The following PARN variants were observed in gnomAD, a reference collection of about 807,000 sequenced individuals.
PARN encodes poly(A)-specific ribonuclease PARN.
PARN carries 71 observed loss-of-function variants against 102.8 expected under a neutral mutation model. That is an observed-to-expected ratio of 0.69 (90% CI 0.57 to 0.84). The LOEUF is 0.84. Among genes scored for constraint, PARN ranks in the 40% least tolerant of loss-of-function variants. PARN has a pLI of 0.00. For synonymous variants in PARN, 261 were observed against 252.9 expected, an observed-to-expected ratio of 1.03 and a Z score of -0.30; for missense variants, 782 against 760.9, an observed-to-expected ratio of 1.03 and a Z score of -0.33.
At chr16:14,542,951 C>T (rs981243646) in intron 21 of PARN, among the ~76,000 whole-genome samples, 1 of 152,172 alleles carries the variant, frequency 6.6e-6, no homozygotes. Flanking sequence ...CCTGTGAAAA[C>T]TATGAATTTA....
chr16:14,475,092 TC>T (rs1962966657), intron 22 of PARN, among the ~76,000 whole-genome samples: 1 of 152,164 alleles, frequency 6.6e-6, no homozygotes, highest in East Asian at 1.9e-4. Flanking sequence ...AAATTTAGTC[TC>T]ATAGAAAGGA....
intron 21 of PARN, among the ~76,000 whole-genome samples, chr16:14,529,345 C>T (rs1966189075): frequency 6.6e-6 from 1 of 152,222 alleles, no homozygotes; most frequent in Non-Finnish European, 1.5e-5. Flanking sequence ...TACAAAGTCA[C>T]ATCTGGAGCA....
At chr16:14,474,539 T>C (rs1253157686) in intron 22 of PARN, among the ~76,000 whole-genome samples, 2 of 152,212 alleles carry the variant, frequency 1.3e-5, no homozygotes, top group African/African-American at 2.4e-5. Flanking sequence ...GTGCACAATA[T>C]AAAAGCATTT....
intron 20 of PARN, 68 bp from the exon 21 acceptor site, chr16:14,552,163 T>C (rs1967346797): frequency 1.1e-6 from 1 of 909,196 alleles, no homozygotes; most frequent in African/African-American, 1.6e-5. Flanking sequence ...TTAATGCGCG[T>C]ATCTTACATA....
chr16:14,464,710 T>C (rs1962216500), intron 22 of PARN, among the ~76,000 whole-genome samples: 3 of 152,002 alleles, frequency 2.0e-5, no homozygotes, highest in African/African-American at 7.3e-5. Flanking sequence ...GAGCTGAGGT[T>C]GCGCCACTGC....
chr16:14,559,674 AT>A (rs1187701907), intron 18 of PARN, among the ~76,000 whole-genome samples: 1 of 152,150 alleles, frequency 6.6e-6, no homozygotes, highest in African/African-American at 2.4e-5. Context: ...CATAAAAGCT[AT>A]TTTTTAATGT....
intron 22 of PARN, among the ~76,000 whole-genome samples, chr16:14,471,250 C>T (rs954831692): frequency 4.6e-5 from 7 of 151,916 alleles, no homozygotes; most frequent in African/African-American, 1.2e-4. Flanking sequence ...ACAGGTGAGA[C>T]GAGAAAGGCC....
At chr16:14,605,295 C>A (rs1971114535) in intron 10 of PARN, among the ~76,000 whole-genome samples, 1 of 152,154 alleles carries the variant, frequency 6.6e-6, no homozygotes, top group African/African-American at 2.4e-5. Context: ...GAAATGCCAA[C>A]ATAAGTTGAG....
chr16:14,522,811 G>A (rs1017766666), intron 21 of PARN, among the ~76,000 whole-genome samples: 6 of 152,162 alleles, frequency 3.9e-5, no homozygotes, highest in East Asian at 1.9e-4. Context: ...ATGGCCTGGG[G>A]TGGGGAGAGA....
chr16:14,530,509 T>A (rs922102171), intron 21 of PARN, among the ~76,000 whole-genome samples: 1 of 150,838 alleles, frequency 6.6e-6, no homozygotes, highest in African/African-American at 2.4e-5. Context: ...CACACATACA[T>A]CTGTACGTAC....
At chr16:14,446,113 C>G (rs139266564) in intron 23 of PARN, among the ~76,000 whole-genome samples, 2 of 152,342 alleles carry the variant, frequency 1.3e-5, no homozygotes, top group African/African-American at 4.8e-5. Context: ...CAGGGAATGG[C>G]CTTTTCCATG....
At chr16:14,486,570 G>A (rs1408317228) in intron 21 of PARN, among the ~76,000 whole-genome samples, 1 of 152,204 alleles carries the variant, frequency 6.6e-6, no homozygotes, top group Non-Finnish European at 1.5e-5. Context: ...ACCATGGCGA[G>A]GGGATTTATC....
chr16:14,621,381 G>A (rs1450566350), intron 5 of PARN, among the ~76,000 whole-genome samples: 1 of 152,166 alleles, frequency 6.6e-6, no homozygotes. Flanking sequence ...TCCTGAAGCT[G>A]CTTATTTTCT....
chr16:14,436,583 C>T lies in PARN; in HGVS notation c.*134G>A, dbSNP rs563397576. 7.7e-6 allele frequency: 5 copies of T among 649,348 alleles called. No individual in the cohort carries two copies. Among genetic ancestry groups the T allele is most frequent in the South Asian group, 1.9e-5 (1 of 52,940 alleles). 40.2% of individuals were successfully genotyped at this position (649,348 alleles called of 1,614,324 possible). On this transcript the variant is annotated 3_prime_UTR_variant, in exon 24 of 24. Coordinates refer to ENST00000437198, the MANE Select transcript of PARN (RefSeq NM_002582.4). Reference sequence around the variant, plus strand: ...CAAAAATAAAACCTGTTTTCTCCCCCCCAGGAGACAACTTGGTTTCCAACC... The same window carrying T: ...CAAAAATAAAACCTGTTTTCTCCCCTCCAGGAGACAACTTGGTTTCCAACC...
Position 14,465,940 on chromosome 16 carries a change from C to T in PARN, c.1670+16698G>A, listed in dbSNP as rs187797913. ...CTGCATGTTCTCACTTATAAGTAGG[C>T]ACTTTGTTCCTCCAAAATGGACACA... is the stretch of plus-strand genomic sequence containing the variant. On this transcript the variant is annotated intron_variant, in intron 22 of 23. Transcript: ENST00000437198. Among the ~76,000 whole-genome samples, 280 of 152,234 alleles carry T rather than the reference C, an allele frequency of 1.8e-3. 2 individuals carry two copies. The highest frequency in any genetic ancestry group is 6.5e-3 in the African/African-American group (269 of 41,534).
At chr16:14,562,067 G>A (rs113922695) in intron 18 of PARN, among the ~76,000 whole-genome samples, 4,976 of 152,092 alleles carry the variant, frequency 0.033, 272 homozygotes, top group African/African-American at 0.11. Flanking sequence ...CAGGAGAATC[G>A]CTTAAACCTG....
intron 21 of PARN, among the ~76,000 whole-genome samples, chr16:14,498,188 G>A (rs1483295484): frequency 2.6e-5 from 4 of 151,364 alleles, no homozygotes; most frequent in African/African-American, 9.7e-5. Flanking sequence ...TTAACCCAGT[G>A]AAACCCCGGA....
chr16:14,630,158 G>C lies in PARN; in HGVS notation c.-33C>G. 1 of 1,548,186 alleles carries C rather than the reference G, an allele frequency of 6.5e-7. No individual in the cohort carries two copies. Among genetic ancestry groups the C allele is most frequent in the South Asian group, 1.2e-5 (1 of 83,930 alleles). On this transcript the variant is annotated 5_prime_UTR_variant, in exon 1 of 24. Transcript: ENST00000437198. ...AGTGGCCGGAACCTTGGCCCCACCCGGGCCCGCGCCCGCCTCAGCGGTTCT... is the reference window on the plus strand; with the variant it reads ...AGTGGCCGGAACCTTGGCCCCACCCCGGCCCGCGCCCGCCTCAGCGGTTCT...
intron 21 of PARN, among the ~76,000 whole-genome samples, chr16:14,542,915 G>A (rs1233196390): frequency 6.6e-6 from 1 of 152,176 alleles, no homozygotes; most frequent in Non-Finnish European, 1.5e-5. Flanking sequence ...AAGATTATTT[G>A]AATAATGTCT....
Sources: allele counts gnomAD v4.1 joint callset (sites outside exome capture counted in the v4.1 genomes callset), GRCh38; gene constraint gnomAD v4.1.1; transcripts MANE v1.5; gene names NCBI Gene and HGNC (gene_info 2026-07-23, HGNC 2026-07-21).